The following FN1 variants were observed in gnomAD, a reference collection of about 807,000 sequenced individuals.
FN1 encodes fibronectin.
In FN1, 106 loss-of-function variants were observed where a neutral mutation model predicts 297.3. That is an observed-to-expected ratio of 0.36 (90% confidence interval 0.30 to 0.42). FN1 has a LOEUF of 0.42. Among genes scored for constraint, FN1 ranks in the 10% least tolerant of loss-of-function variants. FN1 has a pLI of 1.00. For synonymous variants in FN1, 1,149 were observed against 1,152.6 expected (o/e 1.00, Z 0.06); for missense variants, 2,690 against 3,124.9 (o/e 0.86, Z 3.32).
chr2:215,414,754 TC>T lies in FN1; in HGVS notation c.1941+82del. 2.5e-6 allele frequency: 4 copies of T among 1,591,578 alleles called. No individual in the cohort carries two copies. In the South Asian group the frequency reaches 4.5e-5, roughly 18 times the overall value. The stretch of plus-strand genomic sequence containing the variant: ...GGAATAGTTAATCAGAGTTGTTGGC[TC>T]AAAAGCTGGGAAAAAAAGAAACCAT... On this transcript the variant is annotated intron_variant, in intron 13 of 45. Coordinates refer to ENST00000354785, the MANE Select transcript of FN1 (RefSeq NM_212482.4).
In FN1 at chr2:215,375,509, C is replaced by T. The variant is rs554274316; in HGVS notation, c.5978-116G>A. 3.0e-5 allele frequency: 38 copies of T among 1,270,028 alleles called. No individual in the cohort carries two copies. In the Admixed American group the frequency reaches 5.0e-4, roughly 17 times the overall value. 78.7% of individuals were successfully genotyped at this position (1,270,028 alleles called of 1,614,324 possible). On this transcript the variant is annotated intron_variant, in intron 37 of 45. Coordinates refer to ENST00000354785, the MANE Select transcript of FN1 (RefSeq NM_212482.4). ...AAAAGAATCTGAGAATACTGTAAAC[C>T]GGAAACAAGATTCTCTGGAATCTAT... is the stretch of plus-strand genomic sequence containing the variant.
chr2:215,369,716 G>A (rs573731219), intron 41 of FN1, among the ~76,000 whole-genome samples: 197 of 152,008 alleles, frequency 1.3e-3, no homozygotes, highest in Non-Finnish European at 1.2e-3. Flanking sequence ...CTCTATAGAA[G>A]CTTTTAACCT....
intron 11 of FN1, 85 bp from the exon 12 acceptor site, chr2:215,419,470 G>T: frequency 1.7e-6 from 2 of 1,159,632 alleles, no homozygotes; most frequent in East Asian, 2.4e-5. Context: ...CATACATTTA[G>T]CTTAAATAGA....
chr2:215,364,829 C>T (rs2054211722), intron 44 of FN1, 50 bp downstream of exon 44: 1 of 1,267,832 alleles, frequency 7.9e-7, no homozygotes, highest in Non-Finnish European at 1.1e-6. Flanking sequence ...TGCAGGAGCC[C>T]ACCCTTTATC....
At chr2:215,412,760 C>CTTTTATTTTTTTTTT (rs2062845249) in intron 13 of FN1, among the ~76,000 whole-genome samples, 1 of 97,570 alleles carries the variant, frequency 1.0e-5, no homozygotes, top group African/African-American at 4.3e-5. Context: ...TATTAAGTAT[C>CTTTTATTTTTTTTTT]TTTTTTTTTT....
intron 40 of FN1, among the ~76,000 whole-genome samples, chr2:215,371,667 G>A (rs1463084733): frequency 1.5e-5 from 2 of 133,950 alleles, no homozygotes; most frequent in Admixed American, 1.7e-4. Context: ...TCTAAAAGTG[G>A]AGCCACTTTT....
chr2:215,423,168 T>G (rs562922769), intron 9 of FN1, among the ~76,000 whole-genome samples, 182 bp downstream of exon 9: 186 of 142,668 alleles, frequency 1.3e-3, no homozygotes, highest in African/African-American at 4.8e-3. Context: ...TCCTTATGTA[T>G]ATGATGTAAC....
Position 215,367,919 on chromosome 2 carries a change from T to C in FN1, c.6962A>G (p.Lys2321Arg), listed in dbSNP as rs2054967238. ...AAAGCCTAAGCACTGGCACAACAGT[T>C]TAAAGCCTGATTCAGACATTCGTTC... ...EWERMSESGF[K>R]LLCQCLGFGS... The change falls in exon 42 of 46, where the codon AAA (lysine) becomes AGA (arginine). Residue 2321 changes from lysine to arginine, a missense_variant. By Grantham distance (26) the Lys-to-Arg change is conservative (BLOSUM62 2). Transcript: ENST00000354785. The C allele has an allele frequency of 6.2e-7, 1 of 1,614,034 alleles. No individual in the cohort carries two copies. The highest frequency in any genetic ancestry group is 8.5e-7 in the Non-Finnish European group (1 of 1,180,004).
In FN1 at chr2:215,375,298, T is replaced by C. The variant is rs548550197; in HGVS notation, c.6073A>G (p.Ile2025Val). The change falls in exon 38 of 46, where the codon ATC becomes GTC. Residue 2025 changes from isoleucine to valine, a missense_variant. By Grantham distance (29) the Ile-to-Val change is conservative. Around this residue, in one of 3 missense-constraint regions of FN1, gnomAD observed 1,743 missense variants for 1,945.2 expected, o/e 0.90. Transcript: ENST00000354785. The stretch of plus-strand genomic sequence containing the variant: ...GACCCAGGCTTCTCATACTTGATGA[T>C]GTAGCCGGTAATCCTGGCACGTGGC... ...QPPRARITGY[I>V]IKYEKPGSPP... 1.2e-6 allele frequency: 2 copies of C among 1,614,106 alleles called. No homozygotes were observed. Among genetic ancestry groups the C allele is most frequent in the Non-Finnish European group, 1.7e-6 (2 of 1,179,986 alleles).
chr2:215,381,122 G>A, intron 32 of FN1, 42 bp from the exon 33 acceptor site: 1 of 1,604,142 alleles, frequency 6.2e-7, no homozygotes, highest in Non-Finnish European at 8.5e-7. Flanking sequence ...TGAAAAGCAA[G>A]TTGTGAAATA....
At position 215,384,969 on chromosome 2, in the gene FN1, A is replaced by G; in HGVS notation, c.4620T>C (p.Asp1540=). ...LLIGQQSTVS[D]VPRDLEVVAA... ...CAACAACTTCCAGGTCCCTCGGAAC[A>G]TCAGAAACTAGAAAAAAAAGGGAAA... The change falls in exon 29 of 46, where the codon GAT becomes GAC. Residue 1540 remains aspartate, a synonymous_variant. Coordinates refer to ENST00000354785, the MANE Select transcript of FN1 (RefSeq NM_212482.4). The G allele has an allele frequency of 6.2e-7, 1 of 1,611,264 alleles. No homozygotes were observed. The highest frequency in any genetic ancestry group is 1.7e-4 in the Middle Eastern group (1 of 6,058).
intron 24 of FN1, chr2:215,393,726 T>C (rs2059987599): frequency 6.6e-6 from 1 of 152,264 alleles, no homozygotes. Flanking sequence ...ATTATGAATG[T>C]ATGGTGTGAA....
intron 25 of FN1, 78 bp downstream of exon 25, chr2:215,392,853 A>G: frequency 6.6e-7 from 1 of 1,523,460 alleles, no homozygotes; most frequent in Non-Finnish European, 9.1e-7. Context: ...CCCATGAAAC[A>G]TCCATATTTA....
chr2:215,370,867 T>C (rs759236864), intron 40 of FN1, among the ~76,000 whole-genome samples: 1 of 152,160 alleles, frequency 6.6e-6, no homozygotes, highest in Non-Finnish European at 1.5e-5. Context: ...CTTAAAACAG[T>C]TGGGCAAATC....
In FN1 at chr2:215,425,006, T is replaced by G; in HGVS notation, c.1036+88A>C. 6 of 1,232,946 alleles carry G rather than the reference T, an allele frequency of 4.9e-6. No individual in the cohort carries two copies. In the South Asian group the frequency reaches 7.2e-5, roughly 15 times the overall value. 76.4% of individuals were successfully genotyped at this position (1,232,946 alleles called of 1,614,324 possible). A position where few individuals can be genotyped will look rare whatever the true frequency, so the allele number is the denominator to read the frequency against. ...GGTAAGATTACAGGCTTCTTGTTTG[T>G]TTTATTGTTTCACATTGAAAATGTA... On this transcript the variant is annotated intron_variant, in intron 7 of 45. Transcript: ENST00000354785.
At chr2:215,388,942 T>G (rs2059368478) in intron 26 of FN1, among the ~76,000 whole-genome samples, 1 of 152,148 alleles carries the variant, frequency 6.6e-6, no homozygotes, top group Non-Finnish European at 1.5e-5. Context: ...AGGATCATAC[T>G]GGGATTGACC....
intron 6 of FN1, among the ~76,000 whole-genome samples, chr2:215,426,188 A>G (rs1293495231): frequency 4.1e-5 from 5 of 121,410 alleles, no homozygotes; most frequent in South Asian, 2.8e-4. Context: ...TCACTCTGTC[A>G]CCCAGGCTGG....
chr2:215,422,106 A>G lies in FN1; in HGVS notation c.1531T>C (p.Tyr511His), dbSNP rs764215822. Residue 511 changes from tyrosine (Y) to histidine (H), a missense_variant, in exon 10 of 46, where the codon TAC becomes CAC. Tyr to His is a moderately conservative substitution (Grantham distance 83). Coordinates refer to ENST00000354785, the MANE Select transcript of FN1 (RefSeq NM_212482.4). ...GCCAGCATACCTCGAAGCTGCGAGT[A>G]GGCAATGCATGTCCATTCCCCACGA... Reference protein sequence around the residue: ...NGRGEWTCIAYSQLRDQCIVD... With the variant: ...NGRGEWTCIAHSQLRDQCIVD... 6.2e-7 allele frequency: 1 copy of G among 1,614,198 alleles called. No individual in the cohort carries two copies. The highest frequency in any genetic ancestry group is 1.1e-5 in the South Asian group (1 of 91,086).
At chr2:215,384,754 G>T in intron 29 of FN1, 106 bp downstream of exon 29, 1 of 816,500 alleles carries the variant, frequency 1.2e-6, no homozygotes, top group Non-Finnish European at 2.1e-6. Flanking sequence ...TCCGTTGAAT[G>T]GACTTGCCAA....
Sources: gnomAD v4.1 joint callset for allele counts (sites outside exome capture counted in the v4.1 genomes callset) on GRCh38, gnomAD v4.1.1 for gene constraint, gnomAD v4.1.1 regional missense constraint, MANE v1.5 for transcripts, NCBI Gene and HGNC (gene_info 2026-07-23, HGNC 2026-07-21) for gene names.